Variants in C6orf118 observed in about 807,000 individuals in gnomAD.
The protein encoded by C6orf118 is chromosome 6 open reading frame 118.
In C6orf118, 50 loss-of-function variants were observed where a neutral mutation model predicts 50.2. The observed-to-expected ratio is 1.00, with a 90% CI of 0.79 to 1.26. The LOEUF is 1.26. Ranked by LOEUF, C6orf118 falls within the 50% of genes most tolerant of loss-of-function variation. The pLI, the probability that C6orf118 is intolerant of heterozygous loss-of-function variation, is 0.00. For synonymous variants in C6orf118, 239 were observed against 230.9 expected (o/e 1.03, Z -0.32); for missense variants, 641 against 578.7 (o/e 1.11, Z -1.10).
intron 2 of C6orf118, among the ~76,000 whole-genome samples, chr6:165,300,961 A>G (rs1383210036): frequency 6.6e-6 from 1 of 151,904 alleles, no homozygotes. Context: ...GACAGTGCCC[A>G]TCAGCTCTCC....
chr6:165,294,410 A>G (rs901562854), intron 5 of C6orf118, among the ~76,000 whole-genome samples: 7 of 152,340 alleles, frequency 4.6e-5, no homozygotes, highest in Middle Eastern at 3.4e-3. Context: ...GAAAACAAAA[A>G]GGAGTCTAAC....
At chr6:165,284,401 C>T (rs576239652) in intron 7 of C6orf118, among the ~76,000 whole-genome samples, 2 of 152,312 alleles carry the variant, frequency 1.3e-5, no homozygotes, top group East Asian at 3.9e-4. Flanking sequence ...AAACATACTT[C>T]AGTATTTCAT....
intron 5 of C6orf118, among the ~76,000 whole-genome samples, chr6:165,296,325 G>A (rs1780308933): frequency 7.4e-6 from 1 of 135,392 alleles, no homozygotes; most frequent in African/African-American, 2.7e-5. Flanking sequence ...CACTCCAGAA[G>A]CAGGGCTCAG....
At chr6:165,309,247 C>G (rs911375794) in intron 1 of C6orf118, among the ~76,000 whole-genome samples, 5 of 151,706 alleles carry the variant, frequency 3.3e-5, no homozygotes, top group Admixed American at 1.3e-4. Flanking sequence ...CGCTTCGTCC[C>G]TCCTCCTCCT....
intron 7 of C6orf118, among the ~76,000 whole-genome samples, chr6:165,286,341 C>A (rs1454812123): frequency 1.3e-5 from 2 of 152,068 alleles, no homozygotes; most frequent in African/African-American, 4.8e-5. Context: ...CAGCTGAATT[C>A]TACTAGAGGT....
chr6:165,285,868 G>C (rs1562322734), intron 7 of C6orf118, among the ~76,000 whole-genome samples: 2 of 151,624 alleles, frequency 1.3e-5, no homozygotes, highest in African/African-American at 2.4e-5. Flanking sequence ...AAAAGAACTA[G>C]AGAACCAAGT....
rs576052494 is a variant in C6orf118, at chr6:165,279,696, A to C, written c.*361T>G. The C allele has an allele frequency of 8.7e-4, 154 of 177,570 alleles. No homozygotes were observed. Among genetic ancestry groups the C allele is most frequent in the African/African-American group, 3.4e-3 (147 of 42,704 alleles). 11.0% of individuals were successfully genotyped at this position (177,570 alleles called of 1,614,324 possible). ...ATCACTATAAAATTTTATTAAATGC[A>C]TATATGTAAACTTGTGTTGGCAAAT... On this transcript the variant is annotated 3_prime_UTR_variant, in exon 9 of 9. Transcript: ENST00000230301.
chr6:165,302,170 T>G lies in C6orf118; in HGVS notation c.152A>C (p.Asp51Ala). Residue 51 changes from aspartate to alanine, a missense_variant, in exon 2 of 9, where the codon GAC (aspartate) becomes GCC (alanine). By Grantham distance (126) the Asp-to-Ala change is moderately radical. Transcript: ENST00000230301. ...GTAGAGGTAGACGTCCTCCCGGTGG[T>G]CTTTCTGAAGCCGATTCAGAAGTTT... is the stretch of plus-strand genomic sequence containing the variant. ...LKKLLNRLQKDHREDVYLYIS... is the reference protein window; with the variant it reads ...LKKLLNRLQKAHREDVYLYIS... 6.2e-7 allele frequency: 1 copy of G among 1,612,846 alleles called. No individual in the cohort carries two copies.
At chr6:165,292,045 A>C (rs1248992860) in intron 6 of C6orf118, among the ~76,000 whole-genome samples, 2 of 152,170 alleles carry the variant, frequency 1.3e-5, no homozygotes, top group African/African-American at 4.8e-5. Flanking sequence ...GGGGATAGAA[A>C]TGGTCATAGT....
At chr6:165,283,730 T>A (rs1055050790) in intron 7 of C6orf118, among the ~76,000 whole-genome samples, 1 of 152,028 alleles carries the variant, frequency 6.6e-6, no homozygotes, top group Non-Finnish European at 1.5e-5. Context: ...AGCAGCCCTA[T>A]GGAAGAGGGG....
chr6:165,301,207 T>A (rs188416955), intron 2 of C6orf118, among the ~76,000 whole-genome samples: 1 of 152,230 alleles, frequency 6.6e-6, no homozygotes, highest in East Asian at 1.9e-4. Context: ...TGCCTGGACG[T>A]ATCCGGGAAG....
At chr6:165,297,871 T>C in intron 5 of C6orf118, 106 bp downstream of exon 5, 1 of 1,514,320 alleles carries the variant, frequency 6.6e-7, no homozygotes, top group Non-Finnish European at 9.1e-7. Flanking sequence ...AAGTAGCATG[T>C]TTTCAGCAAC....
rs267600889 is a variant in C6orf118, at chr6:165,301,893, C to T, written c.429G>A (p.Glu143=). The stretch of plus-strand genomic sequence containing the variant: ...CAGCCTCCACTGGAAGGAAATCCTC[C>T]TCTGAAGTGTGGGAAAGAGAGGCCT... ...NPQASLSHTS[E]EDFLPVEAVR... The change falls in exon 2 of 9, where the codon GAG becomes GAA. Residue 143 remains glutamate, a synonymous_variant. Coordinates refer to ENST00000230301, the MANE Select transcript of C6orf118 (RefSeq NM_144980.4). The T allele has an allele frequency of 6.2e-7, 1 of 1,613,740 alleles. No individual in the cohort carries two copies. The highest frequency in any genetic ancestry group is 8.5e-7 in the Non-Finnish European group (1 of 1,180,020).
chr6:165,281,610 G>A (rs762612195), intron 8 of C6orf118, 30 bp downstream of exon 8: 13 of 1,480,796 alleles, frequency 8.8e-6, no homozygotes, highest in Non-Finnish European at 1.8e-6. Context: ...TATTTTTATT[G>A]ATAAACATTG....
At chr6:165,281,226 T>C (rs1779719405) in intron 8 of C6orf118, among the ~76,000 whole-genome samples, 1 of 152,194 alleles carries the variant, frequency 6.6e-6, no homozygotes, top group Non-Finnish European at 1.5e-5. Flanking sequence ...TTCCTGCCCA[T>C]GTGAATTCAC....
chr6:165,287,914 A>G (rs1779968194), intron 7 of C6orf118, among the ~76,000 whole-genome samples: 1 of 152,224 alleles, frequency 6.6e-6, no homozygotes, highest in Admixed American at 6.5e-5. Context: ...AATTGCAACA[A>G]AAGCAAAAAT....
intron 5 of C6orf118, 37 bp from the exon 6 acceptor site, chr6:165,293,508 TC>T: frequency 1.9e-6 from 3 of 1,557,234 alleles, no homozygotes; most frequent in Non-Finnish European, 2.6e-6. Context: ...AAATATTAGA[TC>T]CCCATTATAT....
At position 165,296,951 on chromosome 6, in the gene C6orf118, C is replaced by T. The variant is rs544578492; in HGVS notation, c.1061+1026G>A. On this transcript the variant is annotated intron_variant, in intron 5 of 8. Transcript: ENST00000230301. ...CCACGAGGGCTTCTGCCAGTATAGTCGGGTTTCTTGTGAGAGGAATATCTG... is the reference window on the plus strand; with the variant it reads ...CCACGAGGGCTTCTGCCAGTATAGTTGGGTTTCTTGTGAGAGGAATATCTG... Among the ~76,000 whole-genome samples the T allele has an allele frequency of 1.7e-3, 254 of 152,236 alleles. 1 individual carries two copies. Among genetic ancestry groups the T allele is most frequent in the Non-Finnish European group, 2.7e-3 (183 of 68,024 alleles).
rs764094381 is a variant in C6orf118 at position 165,280,031 on chromosome 6, T to C, written c.*26A>G. 5 of 1,591,318 alleles carry C rather than the reference T, an allele frequency of 3.1e-6. No homozygotes were observed. The African/African-American group carries it at 6.8e-5, about 22-fold the overall frequency. On this transcript the variant is annotated 3_prime_UTR_variant, in exon 9 of 9. Coordinates refer to ENST00000230301, the MANE Select transcript of C6orf118 (RefSeq NM_144980.4). ...ATACATGGAAGTTAAGAATTTCCACTGGCCATTTGTTCAGCCACTTGAGCG... is the reference window on the plus strand; with the variant it reads ...ATACATGGAAGTTAAGAATTTCCACCGGCCATTTGTTCAGCCACTTGAGCG...
Sources: gnomAD v4.1 joint callset for allele counts (sites outside exome capture counted in the v4.1 genomes callset) on GRCh38, gnomAD v4.1.1 for gene constraint, MANE v1.5 for transcripts, NCBI Gene and HGNC (gene_info 2026-07-23, HGNC 2026-07-21) for gene names.